Variants in ANKLE2 observed in about 807,000 individuals in gnomAD.
ANKLE2 encodes ankyrin repeat and LEM domain-containing protein 2.
ANKLE2 carries 55 observed loss-of-function variants against 84.2 expected under a neutral mutation model. That is an observed-to-expected ratio of 0.65 (90% CI 0.53 to 0.82). ANKLE2 has a LOEUF of 0.82. Ranked by LOEUF, ANKLE2 falls within the 40% of genes least tolerant of loss-of-function variation. The pLI, the probability that ANKLE2 is intolerant of heterozygous loss-of-function variation, is 0.00. For synonymous variants in ANKLE2, 551 were observed against 486.1 expected (o/e 1.13, Z -1.76); for missense variants, 1,238 against 1,201.9 (o/e 1.03, Z -0.44).
intron 11 of ANKLE2, among the ~76,000 whole-genome samples, chr12:132,729,264 T>C (rs1279424437): frequency 7.0e-6 from 1 of 143,522 alleles, no homozygotes; most frequent in Non-Finnish European, 1.5e-5. Context: ...GGCAGGAGAA[T>C]TGGTTGAACC....
At chr12:132,749,677 T>A (rs1446916271) in intron 3 of ANKLE2, among the ~76,000 whole-genome samples, 1 of 152,196 alleles carries the variant, frequency 6.6e-6, no homozygotes, top group African/African-American at 2.4e-5. Context: ...GAGCAGGAAC[T>A]GAGGCCAGAT....
At chr12:132,735,629 T>C (rs2043993438) in intron 8 of ANKLE2, 117 bp from the exon 9 acceptor site, 5 of 761,812 alleles carry the variant, frequency 6.6e-6, no homozygotes, top group Admixed American at 5.2e-5. Context: ...CTTCCTTCTC[T>C]CCCCTTCACT....
At chr12:132,746,467 T>A (rs2044241848) in intron 5 of ANKLE2, among the ~76,000 whole-genome samples, 1 of 151,558 alleles carries the variant, frequency 6.6e-6, no homozygotes, top group South Asian at 2.1e-4. Context: ...AGGAATGCAA[T>A]CACCCAGAAA....
chr12:132,733,792 T>A (rs952970073), intron 10 of ANKLE2, among the ~76,000 whole-genome samples: 20 of 152,194 alleles, frequency 1.3e-4, no homozygotes, highest in Non-Finnish European at 2.9e-4. Context: ...TGTGCACTCG[T>A]CTTTTTCCTG....
At chr12:132,729,007 A>G (rs1163223973) in intron 11 of ANKLE2, among the ~76,000 whole-genome samples, 5 of 152,096 alleles carry the variant, frequency 3.3e-5, no homozygotes, top group Non-Finnish European at 5.9e-5. Context: ...AAGAGCATCT[A>G]GAAGCTGGAC....
In ANKLE2 at chr12:132,728,226, C is replaced by T; in HGVS notation, c.2484-63G>A. ...TAAAAACATAAAGACTTCTAAAATA[C>T]CACTACTTTTTTTTTTATTTTGAGA... On this transcript the variant is annotated intron_variant, in intron 11 of 12. Coordinates refer to ENST00000357997, the MANE Select transcript of ANKLE2 (RefSeq NM_015114.3). 4 of 1,579,372 alleles carry T rather than the reference C, an allele frequency of 2.5e-6. No individual in the cohort carries two copies. In the South Asian group the frequency reaches 3.4e-5, roughly 13 times the overall value.
rs778904074 is a variant in ANKLE2, at chr12:132,736,917, G to A, written c.1569C>T (p.Phe523=). The A allele has an allele frequency of 5.9e-5, 95 of 1,610,302 alleles. No homozygotes were observed. In the East Asian group the frequency reaches 1.4e-3, roughly 24 times the overall value. Residue 523 remains phenylalanine (F), a synonymous_variant, in exon 8 of 13, where the codon TTC becomes TTT. Coordinates refer to ENST00000357997, the MANE Select transcript of ANKLE2 (RefSeq NM_015114.3). ...PRDPVLTLRA[F]AGPLSPAKAE... ...CCTTGGCTGGACTCAGGGGCCCTGC[G>A]AAGGCTCTCAGGGTCAGTACCGGGT...
At position 132,739,653 on chromosome 12, in the gene ANKLE2, C is replaced by T. The variant is rs78082038; in HGVS notation, c.1420+1766G>A. Among the ~76,000 whole-genome samples, 1,338 of 152,310 alleles carry T rather than the reference C, an allele frequency of 8.8e-3. 15 individuals carry two copies. Among genetic ancestry groups the T allele is most frequent in the African/African-American group, 0.031 (1,278 of 41,564 alleles). On this transcript the variant is annotated intron_variant, in intron 7 of 12. Coordinates refer to ENST00000357997, the MANE Select transcript of ANKLE2 (RefSeq NM_015114.3). The stretch of plus-strand genomic sequence containing the variant: ...CAGTTTTGTGCCTGGCTTTCTGATC[C>T]TATTTGTCTCTCATAACACTTTAGA...
rs774928348 is a variant in ANKLE2, at chr12:132,758,389, T to TA, written c.181+3228dup. The TA allele has an allele frequency of 7.4e-3, 1,101 of 147,800 alleles. 7 individuals are homozygous for TA. Among genetic ancestry groups the TA allele is most frequent in the African/African-American group, 0.019 (779 of 40,388 alleles). The allele number at this position is 147,800 out of a possible 1,614,324, so 9.2% of individuals were successfully genotyped here. On this transcript the variant is annotated intron_variant, in intron 1 of 12. Transcript: ENST00000357997. ...CTGGACAACAGAGTGAGACTCCACCTAAAAAAAAAAGAATAAACCCGCGGA... is the reference window on the plus strand; with the variant it reads ...CTGGACAACAGAGTGAGACTCCACCTAAAAAAAAAAAGAATAAACCCGCGGA...
At chr12:132,730,315 A>G in intron 10 of ANKLE2, 45 bp from the exon 11 acceptor site, 2 of 1,490,542 alleles carry the variant, frequency 1.3e-6, no homozygotes, top group Middle Eastern at 1.8e-4. Context: ...AACGACAGGA[A>G]GCCACGGAGC....
intron 9 of ANKLE2, 131 bp downstream of exon 9, chr12:132,735,274 AC>A (rs2043984683): frequency 1.2e-6 from 1 of 837,528 alleles, no homozygotes; most frequent in East Asian, 2.5e-5. Flanking sequence ...TTAGACCTTC[AC>A]GAAAAGGACC....
chr12:132,741,034 G>T (rs1038351280), intron 7 of ANKLE2, among the ~76,000 whole-genome samples: 3 of 152,132 alleles, frequency 2.0e-5, no homozygotes, highest in Non-Finnish European at 4.4e-5. Flanking sequence ...AGGAGCTCTG[G>T]ACCCTGCCTC....
At chr12:132,737,339 C>T (rs866808676) in intron 7 of ANKLE2, 4 of 377,732 alleles carry the variant, frequency 1.1e-5, no homozygotes, top group African/African-American at 8.1e-5. Context: ...AAGGAAGCCC[C>T]AGGTAGTTAA....
intron 10 of ANKLE2, among the ~76,000 whole-genome samples, chr12:132,732,916 A>G (rs868293211): frequency 0.028 from 1,539 of 54,888 alleles, 4 homozygotes; most frequent in Middle Eastern, 0.094. Context: ...AGCGCTCTGC[A>G]TCCTGGTGTC....
chr12:132,761,480 G>T, intron 1 of ANKLE2, 138 bp downstream of exon 1: 1 of 763,270 alleles, frequency 1.3e-6, no homozygotes, highest in Non-Finnish European at 1.7e-6. Context: ...GGCCTTTCCC[G>T]ACCGGCCCTG....
intron 2 of ANKLE2, 95 bp downstream of exon 2, chr12:132,754,580 C>T: frequency 7.8e-7 from 1 of 1,283,226 alleles, no homozygotes; most frequent in Non-Finnish European, 1.1e-6. Flanking sequence ...TGGATTTTTT[C>T]CTTCTTAATC....
At chr12:132,729,370 A>C (rs1415736167) in intron 11 of ANKLE2, among the ~76,000 whole-genome samples, 3 of 11,318 alleles carry the variant, frequency 2.7e-4, no homozygotes, top group South Asian at 5.0e-3. Context: ...AGAGGAGAGG[A>C]GAGTCGAGGG....
intron 5 of ANKLE2, among the ~76,000 whole-genome samples, chr12:132,746,348 C>CAAAAAA (rs566130639): frequency 1.1e-4 from 7 of 66,504 alleles, no homozygotes; most frequent in African/African-American, 1.7e-4. Context: ...GACTCTGTCT[C>CAAAAAA]AAAAAAAAAA....
At chr12:132,734,634 C>T in intron 9 of ANKLE2, 59 bp from the exon 10 acceptor site, 3 of 1,516,362 alleles carry the variant, frequency 2.0e-6, no homozygotes, top group Non-Finnish European at 1.8e-6. Context: ...CTCAGAACTA[C>T]ACAGAAAAAA....
Sources: allele counts gnomAD v4.1 joint callset (sites outside exome capture counted in the v4.1 genomes callset), GRCh38; gene constraint gnomAD v4.1.1; transcripts MANE v1.5; gene names NCBI Gene and HGNC (gene_info 2026-07-23, HGNC 2026-07-21).